Variants in ZNF618 observed in about 807,000 individuals in gnomAD.
ZNF618 encodes the protein zinc finger protein 618.
ZNF618 carries 34 observed loss-of-function variants against 103.0 expected under a neutral mutation model. The ratio of observed to expected loss-of-function variants is 0.33; its 90% CI spans 0.25 to 0.44. The LOEUF is 0.44. Among genes scored for constraint, ZNF618 ranks in the 20% least tolerant of loss-of-function variants. The probability of loss-of-function intolerance (pLI) is 1.00; values close to 1 mark genes in which losing one functional copy is unlikely to be tolerated. For synonymous variants in ZNF618, 551 were observed against 542.2 expected (o/e 1.02, Z -0.23); for missense variants, 1,059 against 1,295.4 (o/e 0.82, Z 2.80).
intron 1 of ZNF618, among the ~76,000 whole-genome samples, chr9:113,925,466 C>A (rs1230684307): frequency 7.1e-6 from 1 of 141,490 alleles, no homozygotes; most frequent in South Asian, 2.2e-4. Context: ...TCAATCCTTT[C>A]TGATGATCTC....
chr9:113,925,443 CTT>C (rs377142337), intron 1 of ZNF618, among the ~76,000 whole-genome samples: 4 of 118,868 alleles, frequency 3.4e-5, no homozygotes, highest in Admixed American at 1.6e-4. Flanking sequence ...TTAGTTGGGT[CTT>C]TTTTTTTTTT....
Position 114,050,679 on chromosome 9 carries a change from C to G in ZNF618, c.*512C>G, listed in dbSNP as rs1846077610. On this transcript the variant is annotated 3_prime_UTR_variant, in exon 15 of 15. Transcript: ENST00000374126. The stretch of plus-strand genomic sequence containing the variant: ...TTCAGGCAGCTGAGATCTGAAGTGA[C>G]TTGACGCTCTCTGTCCTTCACCCCG... 1 of 153,386 alleles carries G rather than the reference C, an allele frequency of 6.5e-6. No individual in the cohort carries two copies. The highest frequency in any genetic ancestry group is 1.5e-5 in the Non-Finnish European group (1 of 68,656). The allele number at this position is 153,386 out of a possible 1,614,324, so 9.5% of individuals were successfully genotyped here. A position where few individuals can be genotyped will look rare whatever the true frequency, so the allele number is the denominator to read the frequency against.
intron 3 of ZNF618, among the ~76,000 whole-genome samples, chr9:113,997,140 C>G (rs1056127007): frequency 2.0e-5 from 3 of 151,430 alleles, no homozygotes; most frequent in African/African-American, 7.3e-5. Context: ...TAGGGTCTTA[C>G]TCTGTTGCCC....
At chr9:113,985,610 C>G (rs1473379999) in intron 2 of ZNF618, among the ~76,000 whole-genome samples, 1 of 152,226 alleles carries the variant, frequency 6.6e-6, no homozygotes, top group Non-Finnish European at 1.5e-5. Context: ...TGTCCTCCTG[C>G]TCACCCACGA....
intron 7 of ZNF618, among the ~76,000 whole-genome samples, chr9:114,007,671 A>T (rs768652367): frequency 2.0e-5 from 3 of 152,222 alleles, no homozygotes; most frequent in African/African-American, 7.2e-5. Flanking sequence ...TGCCATTTTT[A>T]TAGGTCAAAA....
intron 13 of ZNF618, among the ~76,000 whole-genome samples, chr9:114,045,242 T>C (rs948680744): frequency 6.6e-5 from 10 of 152,108 alleles, no homozygotes; most frequent in Non-Finnish European, 8.8e-5. Flanking sequence ...GTGCTTTTGG[T>C]GTCATATCCA....
At chr9:114,042,253 GTTTAT>G (rs1845261979) in intron 13 of ZNF618, among the ~76,000 whole-genome samples, 1 of 152,204 alleles carries the variant, frequency 6.6e-6, no homozygotes, top group Admixed American at 6.5e-5. Context: ...TTTCTTTACA[GTTTAT>G]TTTAAAATAT....
At position 113,876,354 on chromosome 9, in the gene ZNF618, CGGGGCCGCCT is replaced by C; in HGVS notation, c.-26_-17del. 19 of 1,187,462 alleles carry C rather than the reference CGGGGCCGCCT, an allele frequency of 1.6e-5. No individual in the cohort carries two copies. The highest frequency in any genetic ancestry group is 2.0e-5 in the Non-Finnish European group (19 of 963,188). 73.6% of individuals were successfully genotyped at this position (1,187,462 alleles called of 1,614,324 possible). ...CCGGCCCGGGAGGAGCAGGACGCGC[CGGGGCCGCCT>C]CCTCCCGCACGGACCCATGAACCAG... is the stretch of plus-strand genomic sequence containing the variant. On this transcript the variant is annotated 5_prime_UTR_variant, in exon 1 of 15. Coordinates refer to ENST00000374126, the MANE Select transcript of ZNF618 (RefSeq NM_001318042.2).
At chr9:114,004,419 C>T (rs556830535) in intron 6 of ZNF618, among the ~76,000 whole-genome samples, 79 of 152,342 alleles carry the variant, frequency 5.2e-4, no homozygotes, top group South Asian at 3.9e-3. Flanking sequence ...GGACTGGCTG[C>T]GGTCAGCCAC....
chr9:113,958,125 G>A (rs1429742304), intron 1 of ZNF618, among the ~76,000 whole-genome samples: 1 of 152,102 alleles, frequency 6.6e-6, no homozygotes, highest in Non-Finnish European at 1.5e-5. Flanking sequence ...TGCACCCAGA[G>A]GAGCGTGTCC....
intron 1 of ZNF618, among the ~76,000 whole-genome samples, chr9:113,967,412 T>C (rs1284637960): frequency 6.6e-6 from 1 of 152,228 alleles, no homozygotes; most frequent in Non-Finnish European, 1.5e-5. Context: ...CTCATTAATT[T>C]CTTCCTCCCC....
In ZNF618 at chr9:114,053,366, T is replaced by A. The variant is rs1846253343; in HGVS notation, c.*3199T>A. The A allele has an allele frequency of 6.6e-6, 1 of 152,334 alleles. No individual in the cohort carries two copies. Among genetic ancestry groups the A allele is most frequent in the African/African-American group, 2.4e-5 (1 of 41,432 alleles). The allele number at this position is 152,334 out of a possible 1,614,324, so 9.4% of individuals were successfully genotyped here. On this transcript the variant is annotated 3_prime_UTR_variant, in exon 15 of 15. Coordinates refer to ENST00000374126, the MANE Select transcript of ZNF618 (RefSeq NM_001318042.2). Reference sequence around the variant, plus strand: ...TCTGGGTCCACTGTAGGTCTTTCCATCACAAGCCTTTGGGGGATCTGGGAC... The same window carrying A: ...TCTGGGTCCACTGTAGGTCTTTCCAACACAAGCCTTTGGGGGATCTGGGAC...
At chr9:113,885,115 C>T (rs1450347898) in intron 1 of ZNF618, among the ~76,000 whole-genome samples, 1 of 152,124 alleles carries the variant, frequency 6.6e-6, no homozygotes, top group Non-Finnish European at 1.5e-5. Context: ...GGGGAGACGC[C>T]TGTGGCTAGG....
At chr9:114,034,382 C>A (rs1844394260) in intron 12 of ZNF618, among the ~76,000 whole-genome samples, 1 of 152,156 alleles carries the variant, frequency 6.6e-6, no homozygotes, top group Non-Finnish European at 1.5e-5. Context: ...CCCCATGCGT[C>A]CCCTGCCCCC....
rs113819665 is a variant in ZNF618 at position 114,050,442 on chromosome 9, GCACACA to G, written c.*303_*308del. The G allele has an allele frequency of 7.0e-3, 1,469 of 210,272 alleles. 9 individuals carry two copies. Among genetic ancestry groups the G allele is most frequent in the Middle Eastern group, 0.013 (8 of 620 alleles). 13.0% of individuals were successfully genotyped at this position (210,272 alleles called of 1,614,324 possible). On this transcript the variant is annotated 3_prime_UTR_variant, in exon 15 of 15. Transcript: ENST00000374126. ...ATGGCCAGAGAAACTTTGCACACAC[GCACACA>G]CACACACACACACACACACACACAC... is the stretch of plus-strand genomic sequence containing the variant.
At chr9:113,920,002 C>A (rs1228395325) in intron 1 of ZNF618, among the ~76,000 whole-genome samples, 1 of 152,222 alleles carries the variant, frequency 6.6e-6, no homozygotes, top group Non-Finnish European at 1.5e-5. Context: ...TACACAGGGG[C>A]CTGACACCTG....
At chr9:113,947,862 C>T (rs552761653) in intron 1 of ZNF618, among the ~76,000 whole-genome samples, 7 of 152,294 alleles carry the variant, frequency 4.6e-5, no homozygotes, top group Admixed American at 2.6e-4. Flanking sequence ...CCCTCTTCTC[C>T]GTGCAAGAAA....
intron 13 of ZNF618, among the ~76,000 whole-genome samples, chr9:114,046,371 A>T (rs1845652794): frequency 6.6e-6 from 1 of 152,192 alleles, no homozygotes; most frequent in South Asian, 2.1e-4. Flanking sequence ...ATTGTGGTAC[A>T]GTTGCCTGAA....
intron 1 of ZNF618, among the ~76,000 whole-genome samples, chr9:113,915,492 T>A (rs1294564490): frequency 6.6e-6 from 1 of 152,062 alleles, no homozygotes; most frequent in Non-Finnish European, 1.5e-5. Flanking sequence ...GTGTGCAGGC[T>A]TGTGGGTAGT....
Sources: gnomAD v4.1 joint callset for allele counts (sites outside exome capture counted in the v4.1 genomes callset) on GRCh38, gnomAD v4.1.1 for gene constraint, MANE v1.5 for transcripts, NCBI Gene and HGNC (gene_info 2026-07-23, HGNC 2026-07-21) for gene names.